CSMD1: variants seen among roughly 807,000 people sequenced by gnomAD.
The protein encoded by CSMD1 is CUB and Sushi multiple domains 1, also known as CUB and sushi domain-containing protein 1.
Under a neutral mutation model 417.5 loss-of-function variants are expected in CSMD1, and 213 were observed. The ratio of observed to expected loss-of-function variants is 0.51; its 90% confidence interval spans 0.46 to 0.57. CSMD1 has a LOEUF of 0.57. CSMD1 is among the 20% of genes least tolerant of loss of function. The pLI is 0.00. For synonymous variants in CSMD1, 2,862 were observed against 1,736.8 expected (o/e 1.65, Z -16.11); for missense variants, 6,923 against 4,529.7 (o/e 1.53, Z -15.17).
intron 1 of CSMD1, among the ~76,000 whole-genome samples, chr8:4,927,122 T>TTAC (rs1393109261): frequency 2.0e-5 from 3 of 147,782 alleles, no homozygotes; most frequent in Non-Finnish European, 4.5e-5. Context: ...ATTATTATTA[T>TTAC]TAAGATAGAC....
At chr8:4,040,461 T>C (rs963501594) in intron 3 of CSMD1, among the ~76,000 whole-genome samples, 9 of 152,214 alleles carry the variant, frequency 5.9e-5, no homozygotes, top group South Asian at 2.1e-4. Context: ...CATATGATGA[T>C]GGATTCAGAA....
rs1331138544 is a variant in CSMD1, at chr8:4,199,297, G to C, written c.416-167198C>G. Among the ~76,000 whole-genome samples the C allele has an allele frequency of 1.3e-5, 2 of 152,194 alleles. 1 individual carries two copies. Among genetic ancestry groups the C allele is most frequent in the Admixed American group, 1.3e-4 (2 of 15,284 alleles). On this transcript the variant is annotated intron_variant, in intron 3 of 69. Transcript: ENST00000635120. ...TGCTATGGTCATTGATATGCAGGCA[G>C]TGTATGGGTGCTTTTTCATAGTTTG...
intron 7 of CSMD1, among the ~76,000 whole-genome samples, chr8:3,687,925 C>G (rs887112624): frequency 5.9e-5 from 9 of 152,214 alleles, no homozygotes; most frequent in Admixed American, 4.6e-4. Flanking sequence ...GTAAATGCCT[C>G]TCTGCACCTC....
chr8:4,036,534 G>T (rs1385431910), intron 3 of CSMD1, among the ~76,000 whole-genome samples: 2 of 152,136 alleles, frequency 1.3e-5, no homozygotes, highest in Admixed American at 6.6e-5. Context: ...CCATAAAATT[G>T]AATATGAAAA....
rs1362352596 is a variant in CSMD1 at position 3,396,199 on chromosome 8, T to C, written c.2588A>G (p.Tyr863Cys). The change falls in exon 17 of 70, where the codon TAT (tyrosine) becomes TGT (cysteine). Residue 863 changes from tyrosine (Y) to cysteine (C), a missense_variant. Tyr to Cys is a radical substitution (Grantham distance 194). Coordinates refer to ENST00000635120, the MANE Select transcript of CSMD1 (RefSeq NM_033225.6). ...CAAGGGAAGGTGCAACTCACTCTCA[T>C]AGTGGATGAGGAAGCCGATGCTGGA... ...SRSSIGFLIH[Y>C]ESVTLESDSC... is the part of the protein sequence containing the mutation. The C allele has an allele frequency of 2.6e-6, 4 of 1,558,978 alleles. No homozygotes were observed. Among genetic ancestry groups the C allele is most frequent in the Non-Finnish European group, 2.6e-6 (3 of 1,151,500 alleles).
chr8:4,124,956 A>T (rs1802679464), intron 3 of CSMD1, among the ~76,000 whole-genome samples: 2 of 152,032 alleles, frequency 1.3e-5, no homozygotes, highest in African/African-American at 4.8e-5. Context: ...GTCCCCTTCC[A>T]CCTCTTGGAA....
At position 3,146,475 on chromosome 8, in the gene CSMD1, A is replaced by G. The variant is rs139241945; in HGVS notation, c.6032-3801T>C. ...TTCAAAATAGCCCTATGGGACTGAT[A>G]TATTATATTCCCTTTAAAAATAAGG... On this transcript the variant is annotated intron_variant, in intron 40 of 69. Transcript: ENST00000635120. Among the ~76,000 whole-genome samples, 3 of 152,320 alleles carry G rather than the reference A, an allele frequency of 2.0e-5. No individual in the cohort carries two copies. The East Asian group carries it at 5.8e-4, about 29-fold the overall frequency.
chr8:4,529,286 T>G (rs76472772), intron 2 of CSMD1, among the ~76,000 whole-genome samples: 4 of 152,314 alleles, frequency 2.6e-5, no homozygotes, highest in Non-Finnish European at 5.9e-5. Flanking sequence ...AGGTACATAG[T>G]GCACAACATT....
intron 1 of CSMD1, among the ~76,000 whole-genome samples, chr8:4,857,651 C>G (rs1033193907): frequency 6.6e-6 from 1 of 152,084 alleles, no homozygotes; most frequent in South Asian, 2.1e-4. Flanking sequence ...CGCAAATAAA[C>G]TAGAAAATCT....
intron 11 of CSMD1, among the ~76,000 whole-genome samples, chr8:3,476,051 A>C (rs1817394879): frequency 6.6e-6 from 1 of 152,214 alleles, no homozygotes; most frequent in African/African-American, 2.4e-5. Flanking sequence ...CGTGAAATAC[A>C]TGTGTTAAGG....
At chr8:4,227,110 G>C (rs1164056479) in intron 3 of CSMD1, among the ~76,000 whole-genome samples, 1 of 152,180 alleles carries the variant, frequency 6.6e-6, no homozygotes, top group Non-Finnish European at 1.5e-5. Context: ...TTCTGGGAAG[G>C]AAATCGCCCC....
chr8:3,991,967 G>GT (rs909441237), intron 5 of CSMD1, among the ~76,000 whole-genome samples: 3 of 150,462 alleles, frequency 2.0e-5, no homozygotes, highest in African/African-American at 4.9e-5. Flanking sequence ...ATTATTAAAT[G>GT]TTTTTTTACA....
intron 1 of CSMD1, among the ~76,000 whole-genome samples, chr8:4,721,125 G>T (rs2116909225): frequency 6.6e-6 from 1 of 152,262 alleles, no homozygotes; most frequent in African/African-American, 2.4e-5. Context: ...ACTTACAAAT[G>T]CAACTCGGCA....
intron 2 of CSMD1, among the ~76,000 whole-genome samples, chr8:4,481,615 T>A (rs1801104848): frequency 6.6e-6 from 1 of 152,154 alleles, no homozygotes; most frequent in Non-Finnish European, 1.5e-5. Flanking sequence ...TAAAATAAAC[T>A]TTAACACATG....
At chr8:4,366,570 C>T (rs567435168) in intron 3 of CSMD1, among the ~76,000 whole-genome samples, 2 of 151,918 alleles carry the variant, frequency 1.3e-5, no homozygotes, top group Non-Finnish European at 2.9e-5. Context: ...ACTTTTTTTT[C>T]TGCAAATTCA....
intron 3 of CSMD1, among the ~76,000 whole-genome samples, chr8:4,117,557 T>A (rs993605891): frequency 6.6e-6 from 1 of 152,198 alleles, no homozygotes; most frequent in Non-Finnish European, 1.5e-5. Flanking sequence ...TTGTGACAGC[T>A]AATAGCAGCT....
At chr8:3,408,670 A>G (rs1487438826) in intron 13 of CSMD1, among the ~76,000 whole-genome samples, 1 of 152,108 alleles carries the variant, frequency 6.6e-6, no homozygotes, top group Non-Finnish European at 1.5e-5. Flanking sequence ...GTAATTTAAA[A>G]TTTTTATTAG....
At chr8:3,046,857 C>A (rs1811478736) in intron 50 of CSMD1, among the ~76,000 whole-genome samples, 1 of 152,148 alleles carries the variant, frequency 6.6e-6, no homozygotes, top group South Asian at 2.1e-4. Context: ...AACATAATAT[C>A]TTCTTCCTAG....
chr8:4,129,976 G>T (rs749743691), intron 3 of CSMD1, among the ~76,000 whole-genome samples: 1 of 151,902 alleles, frequency 6.6e-6, no homozygotes, highest in Non-Finnish European at 1.5e-5. Context: ...CTTCCCAGTT[G>T]CTTTACCCTA....
Sources: gnomAD v4.1 joint callset for allele counts (sites outside exome capture counted in the v4.1 genomes callset) on GRCh38, gnomAD v4.1.1 for gene constraint, MANE v1.5 for transcripts, NCBI Gene and HGNC (gene_info 2026-07-23, HGNC 2026-07-21) for gene names.